Variants in FMNL1 observed in about 807,000 individuals in gnomAD.
FMNL1 encodes the protein formin-like protein 1.
FMNL1 carries 43 observed loss-of-function variants against 121.3 expected under a neutral mutation model. The ratio of observed to expected loss-of-function variants is 0.35; its 90% confidence interval spans 0.28 to 0.46. FMNL1 has a LOEUF of 0.46. Among genes scored for constraint, FMNL1 ranks in the 20% least tolerant of loss-of-function variants. The probability of loss-of-function intolerance (pLI) is 1.00; values close to 1 mark genes in which losing one functional copy is unlikely to be tolerated. For synonymous variants in FMNL1, 613 were observed against 613.5 expected (o/e 1.00, Z 0.01); for missense variants, 1,191 against 1,482.4 (o/e 0.80, Z 3.23).
At position 45,241,610 on chromosome 17, in the gene FMNL1, G is replaced by A. The variant is rs1414473769; in HGVS notation, c.1561G>A (p.Val521Met). The change falls in exon 14 of 27, where the codon GTG becomes ATG. Residue 521 changes from valine to methionine, a missense_variant. This residue lies in a region of FMNL1 where 519 missense variants were observed against 492.8 expected (regional missense o/e 1.05). Coordinates refer to ENST00000331495, the MANE Select transcript of FMNL1 (RefSeq NM_005892.4). This position sits in a 1 kb window ranked among gnomAD's most constrained non-coding sequence, Gnocchi z 7.0. ...PSGGDAPTPG[V>M]PTGSPSPDLA... ...CGGCGGTGATGCTCCGACTCCGGGG[G>A]TGCCGACCGGCTCCCCCAGCCCAGG... The A allele has an allele frequency of 6.5e-7, 1 of 1,527,226 alleles. No individual in the cohort carries two copies. The highest frequency in any genetic ancestry group is 8.8e-7 in the Non-Finnish European group (1 of 1,134,460). The allele number at this position is 1,527,226 out of a possible 1,614,324, so 94.6% of individuals were successfully genotyped here.
chr17:45,237,129 T>A lies in FMNL1; in HGVS notation c.724-152T>A. On this transcript the variant is annotated intron_variant, in intron 7 of 26. Transcript: ENST00000331495. This position sits in a 1 kb window ranked among gnomAD's most constrained non-coding sequence, Gnocchi z 4.4. ...GGAAACTCCATCTTGAAAAAAAAAA[T>A]AGAAACAAGGCCAGGTTTTGGTGGC... 4 of 635,868 alleles carry A rather than the reference T, an allele frequency of 6.3e-6. No individual in the cohort carries two copies. Among genetic ancestry groups the A allele is most frequent in the African/African-American group, 2.0e-5 (1 of 49,476 alleles). 39.4% of individuals were successfully genotyped at this position (635,868 alleles called of 1,614,324 possible).
chr17:45,234,252 C>A, intron 6 of FMNL1, 52 bp downstream of exon 6: 1 of 1,613,004 alleles, frequency 6.2e-7, no homozygotes, highest in Non-Finnish European at 8.5e-7. Context: ...TCAGCCCCCA[C>A]ACTGCTGCAT....
chr17:45,234,663 C>CAAA (rs58221219), intron 6 of FMNL1: 36 of 69,122 alleles, frequency 5.2e-4, no homozygotes, highest in African/African-American at 9.1e-4. Context: ...GACCCTGTCT[C>CAAA]AAAAAAAAAA....
chr17:45,236,078 G>A, intron 6 of FMNL1, 58 bp from the exon 7 acceptor site: 1 of 1,427,974 alleles, frequency 7.0e-7, no homozygotes, highest in Non-Finnish European at 9.7e-7. Context: ...TGAGTGGTGG[G>A]GAAACAGGAA....
chr17:45,246,411 G>C (rs571027166), intron 25 of FMNL1, 81 bp downstream of exon 25: 10 of 1,613,040 alleles, frequency 6.2e-6, no homozygotes, highest in Non-Finnish European at 8.5e-6. Context: ...TATCCTCTGG[G>C]GGACTGGCTG....
intron 6 of FMNL1, chr17:45,234,555 T>C: frequency 3.1e-6 from 1 of 322,884 alleles, no homozygotes; most frequent in South Asian, 2.5e-5. Context: ...TCCTAGCTAC[T>C]CAGGAAGCTG....
chr17:45,241,632 C>G lies in FMNL1; in HGVS notation c.1583C>G (p.Pro528Arg). ...TPGVPTGSPS[P>R]DLAPAAEPAP... ...GGGGTGCCGACCGGCTCCCCCAGCC[C>G]AGGTGCGCAGGAGCTTCAGGCTGGC... is the stretch of plus-strand genomic sequence containing the variant. Residue 528 changes from proline (P) to arginine (R), a missense_variant and splice_region_variant, in exon 14 of 27, where the codon CCA becomes CGA. By Grantham distance (103) the Pro-to-Arg change is moderately radical. Coordinates refer to ENST00000331495, the MANE Select transcript of FMNL1 (RefSeq NM_005892.4). This position sits in a 1 kb window ranked among gnomAD's most constrained non-coding sequence, Gnocchi z 7.0. 16 of 1,501,016 alleles carry G rather than the reference C, an allele frequency of 1.1e-5. No homozygotes were observed. Among genetic ancestry groups the G allele is most frequent in the Non-Finnish European group, 1.4e-5 (16 of 1,124,640 alleles). The allele number at this position is 1,501,016 out of a possible 1,614,324, so 93.0% of individuals were successfully genotyped here.
At chr17:45,240,087 A>G (rs2043649246) in intron 11 of FMNL1, among the ~76,000 whole-genome samples, 1 of 152,210 alleles carries the variant, frequency 6.6e-6, no homozygotes, top group Admixed American at 6.5e-5. Context: ...CACCTCGCCC[A>G]GCTATCTATG....
chr17:45,237,916 A>C lies in FMNL1; in HGVS notation c.894+277A>C. The C allele has an allele frequency of 2.6e-6, 1 of 389,840 alleles. No homozygotes were observed. The highest frequency in any genetic ancestry group is 4.8e-6 in the Non-Finnish European group (1 of 210,340). 24.1% of individuals were successfully genotyped at this position (389,840 alleles called of 1,614,324 possible). A position where few individuals can be genotyped will look rare whatever the true frequency, so the allele number is the denominator to read the frequency against. On this transcript the variant is annotated intron_variant, in intron 9 of 26. Transcript: ENST00000331495. This position sits in a 1 kb window ranked among gnomAD's most constrained non-coding sequence, Gnocchi z 4.4. ...CCTCTGACTCAGCCTTGCCAGATCCAAACTAGCCTTGGTTCATACCTCCAG... is the reference window on the plus strand; with the variant it reads ...CCTCTGACTCAGCCTTGCCAGATCCCAACTAGCCTTGGTTCATACCTCCAG...
In FMNL1 at chr17:45,247,093, G is replaced by C. The variant is rs2043855920; in HGVS notation, c.*235G>C. On this transcript the variant is annotated 3_prime_UTR_variant, in exon 27 of 27. Transcript: ENST00000331495. ...TCCTCCGCTGTGGCCCGCCTCAAAC[G>C]GGCTGGTGCATCCTCCTCTTGGCCA... 1.2e-5 allele frequency: 7 copies of C among 607,108 alleles called. No individual in the cohort carries two copies. Among genetic ancestry groups the C allele is most frequent in the Non-Finnish European group, 2.1e-5 (7 of 334,796 alleles). The allele number at this position is 607,108 out of a possible 1,614,324, so 37.6% of individuals were successfully genotyped here.
intron 12 of FMNL1, 48 bp downstream of exon 12, chr17:45,240,673 G>T: frequency 6.3e-7 from 1 of 1,585,782 alleles, no homozygotes. Context: ...GGCCCACAGG[G>T]CACACGGGCC....
Position 45,244,001 on chromosome 17 carries a change from G to T in FMNL1, c.2424G>T (p.Pro808=). Residue 808 remains proline, a synonymous_variant, in exon 18 of 27, where the codon CCG becomes CCT. Transcript: ENST00000331495. ...CACTCACCTTCCTGGGCAACTTCCC[G>T]GACACAGCCCAGCTGCTCATGCCGG... ...MTTLTFLGNF[P]DTAQLLMPQL... is the part of the protein sequence containing the mutation. The T allele has an allele frequency of 6.2e-7, 1 of 1,610,912 alleles. No individual in the cohort carries two copies. Among genetic ancestry groups the T allele is most frequent in the Non-Finnish European group, 8.5e-7 (1 of 1,179,336 alleles).
intron 19 of FMNL1, 70 bp downstream of exon 19, chr17:45,244,314 C>A (rs2043778425): frequency 4.7e-6 from 7 of 1,502,204 alleles, no homozygotes; most frequent in Admixed American, 2.0e-5. Context: ...CCAGGCCCTG[C>A]TCACCTGCAA....
chr17:45,243,692 T>TA (rs2043760431), intron 17 of FMNL1, 99 bp from the exon 18 acceptor site: 4 of 1,165,454 alleles, frequency 3.4e-6, no homozygotes, highest in Middle Eastern at 4.0e-4. Context: ...AAATAGAAAA[T>TA]ACTGAAATTC....
intron 6 of FMNL1, among the ~76,000 whole-genome samples, chr17:45,235,159 T>C (rs1294700255): frequency 6.6e-6 from 1 of 152,242 alleles, no homozygotes; most frequent in Non-Finnish European, 1.5e-5. Context: ...ACACTTAGTA[T>C]GTATTAGGTA....
At chr17:45,234,465 G>A (rs2143387986) in intron 6 of FMNL1, 1 of 451,602 alleles carries the variant, frequency 2.2e-6, no homozygotes, top group East Asian at 4.8e-5. Context: ...ATGAGTTTGA[G>A]ACCAGCCTGG....
rs79162210 is a variant in FMNL1 at position 45,227,796 on chromosome 17, G to A, written c.130-2808G>A. On this transcript the variant is annotated intron_variant, in intron 1 of 26. Coordinates refer to ENST00000331495, the MANE Select transcript of FMNL1 (RefSeq NM_005892.4). ...ACTGAGTGTTCCAGGAGCTCCGTGA[G>A]TGTGAGGCTCCGGTGAGGGAGTGCG... Among the ~76,000 whole-genome samples, 148 of 152,330 alleles carry A rather than the reference G, an allele frequency of 9.7e-4. 2 individuals carry two copies. In the East Asian group the frequency reaches 0.023, roughly 24 times the overall value.
intron 1 of FMNL1, among the ~76,000 whole-genome samples, chr17:45,227,181 G>A (rs1455965131): frequency 6.6e-6 from 1 of 152,094 alleles, no homozygotes; most frequent in Non-Finnish European, 1.5e-5. Context: ...GGTACCCTGG[G>A]GCTTGAAGGG....
Position 45,237,261 on chromosome 17 carries a change from G to C in FMNL1, c.724-20G>C. The C allele has an allele frequency of 1.9e-6, 3 of 1,613,468 alleles. No individual in the cohort carries two copies. The highest frequency in any genetic ancestry group is 1.6e-4 in the Middle Eastern group (1 of 6,062). On this transcript the variant is annotated intron_variant, in intron 7 of 26. Coordinates refer to ENST00000331495, the MANE Select transcript of FMNL1 (RefSeq NM_005892.4). The surrounding 1 kb of genome is among the most constrained non-coding windows in gnomAD (Gnocchi z 4.4). Reference sequence around the variant, plus strand: ...CTGGGGGGCCCTTCCTGGAGACACTGACCTCTCCTCTCTCCCCAGTCTGGC... The same window carrying C: ...CTGGGGGGCCCTTCCTGGAGACACTCACCTCTCCTCTCTCCCCAGTCTGGC...
Sources: allele counts gnomAD v4.1 joint callset (sites outside exome capture counted in the v4.1 genomes callset), GRCh38; gene constraint gnomAD v4.1.1; regional missense constraint gnomAD v4.1.1; non-coding constraint Gnocchi (gnomAD v3.1); transcripts MANE v1.5; gene names NCBI Gene and HGNC (gene_info 2026-07-23, HGNC 2026-07-21).